Variants in CFTR observed in about 807,000 individuals in gnomAD.
CFTR encodes cystic fibrosis transmembrane conductance regulator.
Under a neutral mutation model 171.6 loss-of-function variants are expected in CFTR, and 181 were observed. The observed-to-expected ratio is 1.05, with a 90% confidence interval of 0.93 to 1.19. The LOEUF (loss-of-function observed/expected upper bound fraction) is 1.19. Among genes scored for constraint, CFTR ranks in the 50% most tolerant of loss-of-function variants. CFTR has a pLI of 0.00. For synonymous variants in CFTR, 583 were observed against 608.0 expected, an observed-to-expected ratio of 0.96 and a Z score of 0.60; for missense variants, 1,968 against 1,734.7, an observed-to-expected ratio of 1.13 and a Z score of -2.39.
intron 1 of CFTR, among the ~76,000 whole-genome samples, chr7:117,491,936 A>G (rs1432229463): frequency 6.6e-6 from 1 of 152,108 alleles, no homozygotes; most frequent in Non-Finnish European, 1.5e-5. Context: ...GAGTTAATCT[A>G]TGAAACCTAT....
chr7:117,621,088 G>A (rs1429645010), intron 21 of CFTR, among the ~76,000 whole-genome samples: 1 of 152,118 alleles, frequency 6.6e-6, no homozygotes, highest in Non-Finnish European at 1.5e-5. Context: ...GTGACAGGGT[G>A]AGACTCCATC....
At chr7:117,519,887 A>T (rs1360647468) in intron 3 of CFTR, among the ~76,000 whole-genome samples, 1 of 151,846 alleles carries the variant, frequency 6.6e-6, no homozygotes, top group African/African-American at 2.4e-5. Context: ...TTAAAAGCTG[A>T]CTCTTAGAAG....
intron 11 of CFTR, among the ~76,000 whole-genome samples, chr7:117,575,137 T>TA (rs1292115922): frequency 6.6e-6 from 1 of 152,154 alleles, no homozygotes; most frequent in Non-Finnish European, 1.5e-5. Context: ...ATATGATACA[T>TA]ACACACATTT....
intron 3 of CFTR, among the ~76,000 whole-genome samples, chr7:117,523,463 G>A (rs370896769): frequency 9.9e-5 from 15 of 150,776 alleles, no homozygotes; most frequent in African/African-American, 3.4e-4. Flanking sequence ...TGCAAGCTCC[G>A]CCTCCTGGGT....
chr7:117,544,702 C>T (rs1799110424), intron 9 of CFTR, among the ~76,000 whole-genome samples: 1 of 152,174 alleles, frequency 6.6e-6, no homozygotes, highest in African/African-American at 2.4e-5. Flanking sequence ...TCAAGTTAAA[C>T]AATTTCTTTC....
intron 11 of CFTR, among the ~76,000 whole-genome samples, chr7:117,580,066 T>C (rs1366053630): frequency 6.6e-6 from 1 of 151,844 alleles, no homozygotes; most frequent in East Asian, 1.9e-4. Flanking sequence ...AGCAAACAAA[T>C]ACAGGAATTC....
In CFTR at chr7:117,509,022, A is replaced by C; in HGVS notation, c.165-12A>C. 8 of 1,539,272 alleles carry C rather than the reference A, an allele frequency of 5.2e-6. No homozygotes were observed. The highest frequency in any genetic ancestry group is 7.2e-6 in the Non-Finnish European group (8 of 1,112,518). The stretch of plus-strand genomic sequence containing the variant: ...ATGCAACTTATTGGTCCCACTTTTT[A>C]TTCTTTTGCAGAGAATGGGATAGAG... On this transcript the variant is annotated splice_polypyrimidine_tract_variant and intron_variant, in intron 2 of 26. Coordinates refer to ENST00000003084, the MANE Select transcript of CFTR (RefSeq NM_000492.4).
chr7:117,634,564 C>T (rs1792797681), intron 22 of CFTR, among the ~76,000 whole-genome samples: 1 of 151,960 alleles, frequency 6.6e-6, no homozygotes, highest in Non-Finnish European at 1.5e-5. Context: ...TTGTTAAGAT[C>T]CTTTTGCATT....
chr7:117,517,566 G>C (rs990447827), intron 3 of CFTR, among the ~76,000 whole-genome samples: 1 of 152,076 alleles, frequency 6.6e-6, no homozygotes, highest in South Asian at 2.1e-4. Context: ...CTTTGGGTAT[G>C]TACCCAGTAA....
At chr7:117,623,731 G>T (rs1792613829) in intron 21 of CFTR, among the ~76,000 whole-genome samples, 1 of 152,126 alleles carries the variant, frequency 6.6e-6, no homozygotes, top group African/African-American at 2.4e-5. Flanking sequence ...ACTGCTTTCT[G>T]CATAGGAGGT....
intron 25 of CFTR, 148 bp downstream of exon 25, chr7:117,665,008 G>A (rs1008200825): frequency 2.3e-6 from 2 of 860,852 alleles, no homozygotes; most frequent in Non-Finnish European, 3.9e-6. Context: ...GTGGAAATGA[G>A]CATAAATGCA....
intron 10 of CFTR, among the ~76,000 whole-genome samples, chr7:117,555,983 G>T (rs1044789627): frequency 1.3e-5 from 2 of 152,040 alleles, no homozygotes; most frequent in African/African-American, 4.8e-5. Context: ...AGGGTCAATG[G>T]TATATTATTT....
At chr7:117,612,054 C>CATATATATATATATAT (rs1295752704) in intron 20 of CFTR, among the ~76,000 whole-genome samples, 1 of 46,518 alleles carries the variant, frequency 2.1e-5, no homozygotes, top group Non-Finnish European at 4.6e-5. Flanking sequence ...TATATATATA[C>CATATATATATATATAT]ATATATATAT....
At chr7:117,513,579 A>G (rs1308433356) in intron 3 of CFTR, among the ~76,000 whole-genome samples, 2 of 152,220 alleles carry the variant, frequency 1.3e-5, no homozygotes, top group African/African-American at 2.4e-5. Flanking sequence ...AAATATGTGA[A>G]TGAAATATAT....
intron 21 of CFTR, among the ~76,000 whole-genome samples, chr7:117,618,507 A>C (rs953324855): frequency 2.1e-5 from 3 of 145,332 alleles, no homozygotes; most frequent in South Asian, 4.4e-4. Flanking sequence ...CACACACACA[A>C]AGAAAATAAA....
chr7:117,654,720 C>A (rs1361764390), intron 24 of CFTR, among the ~76,000 whole-genome samples: 1 of 152,202 alleles, frequency 6.6e-6, no homozygotes, highest in Non-Finnish European at 1.5e-5. Flanking sequence ...CCATGTGGAA[C>A]TGTGAGTCAA....
rs148122007 is a variant in CFTR, at chr7:117,642,463, C to T, written c.3743C>T (p.Ser1248Leu). The T allele has an allele frequency of 6.2e-7, 1 of 1,613,598 alleles. No homozygotes were observed. Among genetic ancestry groups the T allele is most frequent in the East Asian group, 2.2e-5 (1 of 44,832 alleles). The change falls in exon 23 of 27, where the codon TCA becomes TTA. Residue 1248 changes from serine to leucine, a missense_variant. Physicochemically the swap from Ser to Leu is moderately radical, Grantham distance 145 (BLOSUM62 -2). Coordinates refer to ENST00000003084, the MANE Select transcript of CFTR (RefSeq NM_000492.4). Reference protein sequence around the residue: ...QRVGLLGRTGSGKSTLLSAFL... With the variant: ...QRVGLLGRTGLGKSTLLSAFL... ...GTGGGCCTCTTGGGAAGAACTGGATCAGGGAAGAGTACTTTGTTATCAGCT... is the reference window on the plus strand; with the variant it reads ...GTGGGCCTCTTGGGAAGAACTGGATTAGGGAAGAGTACTTTGTTATCAGCT...
At chr7:117,515,701 A>G (rs1288260191) in intron 3 of CFTR, among the ~76,000 whole-genome samples, 3 of 152,158 alleles carry the variant, frequency 2.0e-5, no homozygotes, top group Non-Finnish European at 4.4e-5. Flanking sequence ...TGTCAATGGT[A>G]GTTTGATGGG....
rs556802475 is a variant in CFTR at position 117,513,978 on chromosome 7, A to G, written c.273+4836A>G. On this transcript the variant is annotated intron_variant, in intron 3 of 26. Transcript: ENST00000003084. ...ACTCTGCCCTACCCCAGAAAATGTA[A>G]TTTAATTGGTCTGGGATAAAACCTG... Among the ~76,000 whole-genome samples, 15 of 152,250 alleles carry G rather than the reference A, an allele frequency of 9.9e-5. No individual in the cohort carries two copies. In the East Asian group the frequency reaches 2.9e-3, roughly 29 times the overall value.
Sources: allele counts gnomAD v4.1 joint callset (sites outside exome capture counted in the v4.1 genomes callset), GRCh38; gene constraint gnomAD v4.1.1; transcripts MANE v1.5; gene names NCBI Gene and HGNC (gene_info 2026-07-23, HGNC 2026-07-21).